Variants in KCNQ1 observed in about 807,000 individuals in gnomAD.
KCNQ1 encodes potassium voltage-gated channel subfamily Q member 1.
Under a neutral mutation model 72.4 loss-of-function variants are expected in KCNQ1, and 49 were observed. That is an observed-to-expected ratio of 0.68 (90% CI 0.54 to 0.86). KCNQ1 has a LOEUF of 0.86. Ranked by LOEUF, KCNQ1 falls within the 40% of genes least tolerant of loss-of-function variation. The pLI is 0.00. For missense variants in KCNQ1, 790 were observed against 945.1 expected (o/e 0.84, Z 2.15); for synonymous variants, 450 against 412.6 (o/e 1.09, Z -1.10).
rs551645164 is a variant in KCNQ1 at position 2,567,502 on chromosome 11, G to A, written c.478-3126G>A. On this transcript the variant is annotated intron_variant, in intron 2 of 15. Transcript: ENST00000155840. The surrounding 1 kb of genome is among the most constrained non-coding windows in gnomAD (Gnocchi z 6.6). Reference sequence around the variant, plus strand: ...GGTCTTGCTGTGGCCTTGGCCCTGGGTGTTGTCCCACACAGCCCAGGAGAG... The same window carrying A: ...GGTCTTGCTGTGGCCTTGGCCCTGGATGTTGTCCCACACAGCCCAGGAGAG... 6.6e-6 allele frequency among the ~76,000 whole-genome samples: 1 copy of A among 152,312 alleles called. No individual in the cohort carries two copies. Among genetic ancestry groups the A allele is most frequent in the East Asian group, 1.9e-4 (1 of 5,182 alleles).
In KCNQ1 at chr11:2,491,761, A is replaced by G. The variant is rs1164446040; in HGVS notation, c.387-36167A>G. On this transcript the variant is annotated intron_variant, in intron 1 of 15. Coordinates refer to ENST00000155840, the MANE Select transcript of KCNQ1 (RefSeq NM_000218.3). This position sits in a 1 kb window ranked among gnomAD's most constrained non-coding sequence, Gnocchi z 4.1. ...AAGCAGATTTAACCCAAAGAAGACT[A>G]CCTCAAGGTATTTAATAGTCAAAGT... Among the ~76,000 whole-genome samples, 2 of 152,152 alleles carry G rather than the reference A, an allele frequency of 1.3e-5. No homozygotes were observed. The highest frequency in any genetic ancestry group is 6.5e-5 in the Admixed American group (1 of 15,286).
intron 15 of KCNQ1, among the ~76,000 whole-genome samples, chr11:2,804,224 C>G (rs1270275529): frequency 6.6e-6 from 1 of 152,206 alleles, no homozygotes; most frequent in Non-Finnish European, 1.5e-5. Context: ...ACCCATGCCA[C>G]GTGCCTGCTC....
At chr11:2,844,791 T>C (rs1037382452) in intron 15 of KCNQ1, among the ~76,000 whole-genome samples, 20 of 152,194 alleles carry the variant, frequency 1.3e-4, no homozygotes, top group Non-Finnish European at 5.9e-5. Context: ...AATGTGAAAA[T>C]TTATGAAACC....
chr11:2,773,477 AG>A (rs1307042488), intron 12 of KCNQ1, among the ~76,000 whole-genome samples: 2 of 151,398 alleles, frequency 1.3e-5, no homozygotes, highest in African/African-American at 4.9e-5. Context: ...TACAGAAAGG[AG>A]GATCAGGGCT....
chr11:2,793,435 C>T (rs1334525900), intron 15 of KCNQ1, among the ~76,000 whole-genome samples: 1 of 106,590 alleles, frequency 9.4e-6, no homozygotes, highest in East Asian at 1.9e-4. Context: ...CCCTGGGCAA[C>T]ATAGCGAGAC....
At position 2,745,707 on chromosome 11, in the gene KCNQ1, T is replaced by A. The variant is rs565013634; in HGVS notation, c.1515-23137T>A. 6.6e-6 allele frequency among the ~76,000 whole-genome samples: 1 copy of A among 152,314 alleles called. No homozygotes were observed. Among genetic ancestry groups the A allele is most frequent in the East Asian group, 1.9e-4 (1 of 5,168 alleles). ...ACCCGGCGGAGGCAGGGGCTTCCTC[T>A]GACACGATACAGGGATTTGCTGACG... is the stretch of plus-strand genomic sequence containing the variant. On this transcript the variant is annotated intron_variant, in intron 11 of 15. Coordinates refer to ENST00000155840, the MANE Select transcript of KCNQ1 (RefSeq NM_000218.3). The surrounding 1 kb of genome is among the most constrained non-coding windows in gnomAD (Gnocchi z 6.2).
chr11:2,785,371 T>C lies in KCNQ1; in HGVS notation c.1794+7334T>C, dbSNP rs1846891483. Among the ~76,000 whole-genome samples the C allele has an allele frequency of 6.6e-6, 1 of 151,918 alleles. No homozygotes were observed. Among genetic ancestry groups the C allele is most frequent in the South Asian group, 2.1e-4 (1 of 4,828 alleles). ...ATGATATATAATCCTTTTTATATGA[T>C]GCTGGATTTGGTTTGCTAATATTTT... On this transcript the variant is annotated intron_variant, in intron 15 of 15. Coordinates refer to ENST00000155840, the MANE Select transcript of KCNQ1 (RefSeq NM_000218.3). This position sits in a 1 kb window ranked among gnomAD's most constrained non-coding sequence, Gnocchi z 4.4.
intron 2 of KCNQ1, among the ~76,000 whole-genome samples, chr11:2,560,308 G>A (rs1239044810): frequency 2.0e-5 from 1 of 49,952 alleles, no homozygotes; most frequent in Non-Finnish European, 3.8e-5. Flanking sequence ...GGGCGGTGAC[G>A]TCCATCCTGA....
intron 1 of KCNQ1, among the ~76,000 whole-genome samples, chr11:2,522,624 T>C (rs1357467044): frequency 6.6e-6 from 1 of 152,270 alleles, no homozygotes; most frequent in East Asian, 1.9e-4. Context: ...TGTCATATAA[T>C]TCCTTCTGAG....
In KCNQ1 at chr11:2,620,249, T is replaced by C; in HGVS notation, c.1393+31395T>C. The C allele has an allele frequency of 4.3e-6, 1 of 234,266 alleles. No individual in the cohort carries two copies. Among genetic ancestry groups the C allele is most frequent in the African/African-American group, 2.3e-5 (1 of 43,686 alleles). 14.5% of individuals were successfully genotyped at this position (234,266 alleles called of 1,614,324 possible). A position where few individuals can be genotyped will look rare whatever the true frequency, so the allele number is the denominator to read the frequency against. On this transcript the variant is annotated intron_variant, in intron 10 of 15. Transcript: ENST00000155840. The surrounding 1 kb of genome is among the most constrained non-coding windows in gnomAD (Gnocchi z 4.5). The stretch of plus-strand genomic sequence containing the variant: ...ATTTTTTTTTTAGACGGAGTTTCGC[T>C]CTTGTTGCCCAGGCTGGAGGGCAAT...
At chr11:2,583,985 G>T (rs1043974201) in intron 7 of KCNQ1, among the ~76,000 whole-genome samples, 27 of 151,360 alleles carry the variant, frequency 1.8e-4, no homozygotes, top group Admixed American at 1.3e-3. Context: ...CCTGTATGTG[G>T]GTGTGTGTGT....
In KCNQ1 at chr11:2,657,491, AT is replaced by A. The variant is rs1849870770; in HGVS notation, c.1394-4464del. The A allele has an allele frequency of 2.5e-6, 1 of 398,478 alleles. No individual in the cohort carries two copies. The highest frequency in any genetic ancestry group is 4.4e-6 in the Non-Finnish European group (1 of 226,012). The allele number at this position is 398,478 out of a possible 1,614,324, so 24.7% of individuals were successfully genotyped here. ...GTTCTGTTTTCTCTTGTTACCTCAC[AT>A]TTTTTATTTACAGAAGAGAAACAAA... is the stretch of plus-strand genomic sequence containing the variant. On this transcript the variant is annotated intron_variant, in intron 10 of 15. Transcript: ENST00000155840. The surrounding 1 kb of genome is among the most constrained non-coding windows in gnomAD (Gnocchi z 4.8).
intron 11 of KCNQ1, among the ~76,000 whole-genome samples, chr11:2,737,863 T>C (rs1845985542): frequency 6.6e-6 from 1 of 152,094 alleles, no homozygotes; most frequent in African/African-American, 2.4e-5. Context: ...TGTGAGGCGG[T>C]CATAATACAG....
chr11:2,530,741 A>C (rs965421039), intron 2 of KCNQ1, among the ~76,000 whole-genome samples: 3 of 152,182 alleles, frequency 2.0e-5, no homozygotes, highest in Non-Finnish European at 4.4e-5. Flanking sequence ...ACATGTGTGA[A>C]TGTGGCCACA....
At chr11:2,650,775 C>T (rs186666687) in intron 10 of KCNQ1, 64 of 398,618 alleles carry the variant, frequency 1.6e-4, no homozygotes, top group Non-Finnish European at 2.7e-4. Context: ...TGAAGGTATT[C>T]TTTCTCCTAA....
At chr11:2,496,315 T>C (rs905258554) in intron 1 of KCNQ1, among the ~76,000 whole-genome samples, 1 of 151,858 alleles carries the variant, frequency 6.6e-6, no homozygotes, top group Admixed American at 6.6e-5. Flanking sequence ...CGGGCACCTG[T>C]AGTCCCAGCT....
Position 2,627,886 on chromosome 11 carries a change from G to A in KCNQ1, c.1394-34075G>A. 5.0e-6 allele frequency: 2 copies of A among 398,688 alleles called. No homozygotes were observed. The highest frequency in any genetic ancestry group is 8.8e-6 in the Non-Finnish European group (2 of 226,244). 24.7% of individuals were successfully genotyped at this position (398,688 alleles called of 1,614,324 possible). On this transcript the variant is annotated intron_variant, in intron 10 of 15. Coordinates refer to ENST00000155840, the MANE Select transcript of KCNQ1 (RefSeq NM_000218.3). This position sits in a 1 kb window ranked among gnomAD's most constrained non-coding sequence, Gnocchi z 4.9. The stretch of plus-strand genomic sequence containing the variant: ...CTGCCTCAGCCTCCTGAGTAGCTGG[G>A]ACCACAGTCATGCACCCCCATGCCC...
At chr11:2,461,661 T>C in intron 1 of KCNQ1, 1 of 1,366,912 alleles carries the variant, frequency 7.3e-7, no homozygotes, top group Non-Finnish European at 9.8e-7. Flanking sequence ...GTGGCTGCTG[T>C]GGACCCTGGG....
chr11:2,722,629 G>A (rs2283208), intron 11 of KCNQ1, among the ~76,000 whole-genome samples: 60,241 of 151,940 alleles, frequency 0.4, 12,641 homozygotes, highest in Middle Eastern at 0.52. Context: ...TGATGAGAGC[G>A]ATGCCGTAGC....
Sources: allele counts gnomAD v4.1 joint callset (sites outside exome capture counted in the v4.1 genomes callset), GRCh38; gene constraint gnomAD v4.1.1; non-coding constraint Gnocchi (gnomAD v3.1); transcripts MANE v1.5; gene names NCBI Gene and HGNC (gene_info 2026-07-23, HGNC 2026-07-21).